Variants in PTPRT observed in about 807,000 individuals in gnomAD.
PTPRT encodes receptor-type tyrosine-protein phosphatase T.
A neutral mutation model predicts 176.8 loss-of-function variants in PTPRT; 56 were observed. The ratio of observed to expected loss-of-function variants is 0.32; its 90% CI spans 0.26 to 0.40. The LOEUF (loss-of-function observed/expected upper bound fraction) is 0.40. Ranked by LOEUF, PTPRT falls within the 10% of genes least tolerant of loss-of-function variation. The probability of loss-of-function intolerance (pLI) is 1.00; values close to 1 mark genes in which losing one functional copy is unlikely to be tolerated. For missense variants in PTPRT, 1,540 were observed against 1,908.2 expected (o/e 0.81, Z 3.60); for synonymous variants, 783 against 739.0 (o/e 1.06, Z -0.96).
At chr20:42,177,616 A>C (rs541027132) in intron 16 of PTPRT, among the ~76,000 whole-genome samples, 1 of 152,352 alleles carries the variant, frequency 6.6e-6, no homozygotes, top group South Asian at 2.1e-4. Context: ...CTAGTACCGT[A>C]CAAGAGTCAT....
intron 16 of PTPRT, among the ~76,000 whole-genome samples, chr20:42,172,310 C>T (rs1395921228): frequency 2.0e-5 from 3 of 152,002 alleles, no homozygotes; most frequent in Non-Finnish European, 4.4e-5. Context: ...TTTGAAAACA[C>T]CAACAAATTA....
At chr20:42,730,452 G>A (rs2076443485) in intron 6 of PTPRT, among the ~76,000 whole-genome samples, 1 of 152,106 alleles carries the variant, frequency 6.6e-6, no homozygotes, top group Non-Finnish European at 1.5e-5. Context: ...AGGGAAAATT[G>A]GACTCGAGGT....
At chr20:42,648,320 C>T (rs576125614) in intron 7 of PTPRT, among the ~76,000 whole-genome samples, 21 of 152,252 alleles carry the variant, frequency 1.4e-4, no homozygotes, top group Admixed American at 1.2e-3. Context: ...CTCTACATCC[C>T]CCTCTCAGCT....
intron 27 of PTPRT, 127 bp downstream of exon 27, chr20:42,098,294 G>T: frequency 7.5e-7 from 1 of 1,329,222 alleles, no homozygotes; most frequent in South Asian, 1.4e-5. Context: ...CTCGTGGCCA[G>T]ACACTGCTTA....
chr20:42,053,399 T>A, the PTPRT span, among the ~76,000 whole-genome samples: 222 of 152,322 alleles, frequency 1.5e-3, 2 homozygotes, highest in African/African-American at 5.1e-3. Flanking sequence ...CCCACCTTGC[T>A]ATAATACCAC....
At chr20:42,515,731 C>G (rs2072052207) in intron 7 of PTPRT, among the ~76,000 whole-genome samples, 1 of 152,136 alleles carries the variant, frequency 6.6e-6, no homozygotes, top group Non-Finnish European at 1.5e-5. Context: ...AGAATGAACA[C>G]ATCTTTGCCA....
intron 6 of PTPRT, among the ~76,000 whole-genome samples, chr20:42,706,576 T>G (rs139747517): frequency 5.8e-4 from 88 of 152,330 alleles, no homozygotes; most frequent in African/African-American, 2.0e-3. Context: ...TCTCAGCACC[T>G]GGCACATAGC....
At chr20:42,193,992 T>C (rs989495863) in intron 16 of PTPRT, among the ~76,000 whole-genome samples, 7 of 152,314 alleles carry the variant, frequency 4.6e-5, no homozygotes, top group Admixed American at 2.6e-4. Context: ...AATATATGTA[T>C]GATTTGGGCC....
the PTPRT span, among the ~76,000 whole-genome samples, chr20:42,032,381 T>C: frequency 1.3e-5 from 2 of 152,182 alleles, no homozygotes; most frequent in Non-Finnish European, 2.9e-5. Flanking sequence ...AACAAACTTA[T>C]TTCAAGGAGA....
intron 16 of PTPRT, among the ~76,000 whole-genome samples, chr20:42,193,829 C>T (rs940394849): frequency 1.3e-5 from 2 of 152,074 alleles, no homozygotes; most frequent in Admixed American, 6.5e-5. Flanking sequence ...ATATCCTGGT[C>T]CTGACCTTCA....
At chr20:42,711,845 T>C (rs967043614) in intron 6 of PTPRT, among the ~76,000 whole-genome samples, 7 of 151,296 alleles carry the variant, frequency 4.6e-5, no homozygotes, top group African/African-American at 1.2e-4. Flanking sequence ...CTCTAACAAG[T>C]GGAGAAAATG....
At chr20:42,202,976 C>T (rs375503745) in intron 15 of PTPRT, among the ~76,000 whole-genome samples, 3 of 152,004 alleles carry the variant, frequency 2.0e-5, no homozygotes, top group East Asian at 3.9e-4. Flanking sequence ...ACTAAGCATC[C>T]CCAAAACACA....
rs773597691 is a variant in PTPRT, at chr20:42,885,940, CAA to C, written c.89-10_89-9del. ...CATCAAAGGAACAGCCACCTGTAGA[CAA>C]AAGAGATATGGGTAAATACATTCCC... is the stretch of plus-strand genomic sequence containing the variant. On this transcript the variant is annotated splice_polypyrimidine_tract_variant and intron_variant, in intron 1 of 30. Coordinates refer to ENST00000373187, the MANE Select transcript of PTPRT (RefSeq NM_007050.6). 2.5e-6 allele frequency: 4 copies of C among 1,599,474 alleles called. No homozygotes were observed. The Admixed American group carries it at 5.0e-5, about 20-fold the overall frequency.
chr20:42,529,316 G>A (rs2072334907), intron 7 of PTPRT, among the ~76,000 whole-genome samples: 1 of 152,122 alleles, frequency 6.6e-6, no homozygotes, highest in South Asian at 2.1e-4. Context: ...ACGGGGAAGG[G>A]CACCGTGAGA....
chr20:42,796,461 A>G (rs749655787), intron 2 of PTPRT, among the ~76,000 whole-genome samples: 4 of 152,226 alleles, frequency 2.6e-5, no homozygotes, highest in Non-Finnish European at 4.4e-5. Flanking sequence ...TACTCATTTT[A>G]TAAACTCCAG....
At chr20:43,129,621 T>TC (rs1260864985) in intron 1 of PTPRT, among the ~76,000 whole-genome samples, 1 of 136,786 alleles carries the variant, frequency 7.3e-6, no homozygotes, top group Non-Finnish European at 1.6e-5. Flanking sequence ...TTCTTTTTTT[T>TC]TTTTTTTTTT....
intron 15 of PTPRT, among the ~76,000 whole-genome samples, chr20:42,203,461 TC>T (rs1358908331): frequency 6.6e-6 from 1 of 152,086 alleles, no homozygotes; most frequent in African/African-American, 2.4e-5. Flanking sequence ...ATCAACTACC[TC>T]CTCCCACCAC....
intron 7 of PTPRT, among the ~76,000 whole-genome samples, chr20:42,538,846 C>A (rs532042299): frequency 1.3e-5 from 2 of 152,144 alleles, no homozygotes; most frequent in East Asian, 1.9e-4. Context: ...CATTCATACT[C>A]CCACTCATTT....
intron 27 of PTPRT, among the ~76,000 whole-genome samples, chr20:42,093,805 C>G (rs900215969): frequency 3.3e-5 from 5 of 152,212 alleles, no homozygotes; most frequent in African/African-American, 1.2e-4. Context: ...AACCGCCCCT[C>G]CAGGTGCTGA....
Sources: allele counts gnomAD v4.1 joint callset (sites outside exome capture counted in the v4.1 genomes callset), GRCh38; gene constraint gnomAD v4.1.1; transcripts MANE v1.5; gene names NCBI Gene and HGNC (gene_info 2026-07-23, HGNC 2026-07-21).